SLC13A3: variants seen among roughly 807,000 people sequenced by gnomAD.
SLC13A3 encodes the protein solute carrier family 13 member 3.
Under a neutral mutation model 59.0 loss-of-function variants are expected in SLC13A3, and 40 were observed. The observed-to-expected ratio is 0.68, with a 90% CI of 0.53 to 0.88. The LOEUF (loss-of-function observed/expected upper bound fraction) is 0.88, where lower values mean the gene tolerates loss of function less well. Ranked by LOEUF, SLC13A3 falls within the 40% of genes least tolerant of loss-of-function variation. The pLI is 0.00. For synonymous variants in SLC13A3, 317 were observed against 330.3 expected, an observed-to-expected ratio of 0.96 and a Z score of 0.44; for missense variants, 699 against 783.2, an observed-to-expected ratio of 0.89 and a Z score of 1.28.
At chr20:46,655,787 TC>T (rs2062981610), upstream of SLC13A3, among the ~76,000 whole-genome samples, 1 of 144,096 alleles carries the variant, frequency 6.9e-6, no homozygotes, top group Non-Finnish European at 1.5e-5. Context: ...ATATATGCCT[TC>T]AGTATATATA....
upstream of SLC13A3, among the ~76,000 whole-genome samples, chr20:46,652,457 G>A (rs542769039): frequency 7.2e-5 from 11 of 151,914 alleles, no homozygotes; most frequent in Admixed American, 2.6e-4. Flanking sequence ...GCAGTGGAGC[G>A]ATCTCGGATC....
At chr20:46,613,345 G>A (rs1026822335) in intron 2 of SLC13A3, 115 bp downstream of exon 2, 1 of 544,696 alleles carries the variant, frequency 1.8e-6, no homozygotes. Context: ...ATAAATGGTG[G>A]GAACCGATGA....
intron 1 of SLC13A3, among the ~76,000 whole-genome samples, chr20:46,644,114 G>A (rs928602305): frequency 2.0e-5 from 3 of 152,188 alleles, no homozygotes; most frequent in Non-Finnish European, 4.4e-5. Context: ...GAGGGGGATG[G>A]AAGTGCTCAT....
rs1328720409 is a variant in SLC13A3, at chr20:46,558,674, A to G, written c.*1348T>C. ...CACTGCTCTCAGGGAAATGCCCATG[A>G]TTCACTTATGCTGTATCAACAACAA... On this transcript the variant is annotated 3_prime_UTR_variant, in exon 13 of 13. Coordinates refer to ENST00000279027, the MANE Select transcript of SLC13A3 (RefSeq NM_022829.6). 6.6e-6 allele frequency: 1 copy of G among 152,180 alleles called. No homozygotes were observed. The highest frequency in any genetic ancestry group is 1.9e-4 in the East Asian group (1 of 5,164). The allele number at this position is 152,180 out of a possible 1,614,324, so 9.4% of individuals were successfully genotyped here.
intron 4 of SLC13A3, among the ~76,000 whole-genome samples, chr20:46,597,797 T>C (rs1490299688): frequency 6.6e-6 from 1 of 152,236 alleles, no homozygotes; most frequent in East Asian, 1.9e-4. Flanking sequence ...ATTTAACTGT[T>C]ATAATCTACC....
chr20:46,652,321 C>T (rs1344035214), upstream of SLC13A3, among the ~76,000 whole-genome samples: 2 of 152,120 alleles, frequency 1.3e-5, no homozygotes, highest in Non-Finnish European at 2.9e-5. Context: ...ATGTGATTAG[C>T]GCAGTGTCTG....
intron 1 of SLC13A3, among the ~76,000 whole-genome samples, chr20:46,684,207 T>C (rs1447875956): frequency 6.6e-6 from 1 of 152,160 alleles, no homozygotes; most frequent in Non-Finnish European, 1.5e-5. Context: ...CTGGTTTTCC[T>C]TCACATCTTC....
intron 1 of SLC13A3, among the ~76,000 whole-genome samples, chr20:46,638,622 G>A (rs1361116383): frequency 6.6e-6 from 1 of 152,180 alleles, no homozygotes; most frequent in East Asian, 1.9e-4. Context: ...TCTCCTTCCT[G>A]CCAGGCCCTC....
chr20:46,575,553 G>C lies in SLC13A3; in HGVS notation c.1332+20C>G. The C allele has an allele frequency of 6.8e-7, 1 of 1,466,604 alleles. No homozygotes were observed. 90.8% of individuals were successfully genotyped at this position (1,466,604 alleles called of 1,614,324 possible). On this transcript the variant is annotated intron_variant, in intron 10 of 12. Coordinates refer to ENST00000279027, the MANE Select transcript of SLC13A3 (RefSeq NM_022829.6). ...TGCCTCCCACTGTTCCTGCTGGTTG[G>C]GGGAGCCAGGGGGTCTTACCTCACA...
chr20:46,652,690 C>G (rs1470018655), upstream of SLC13A3, among the ~76,000 whole-genome samples: 2 of 151,912 alleles, frequency 1.3e-5, no homozygotes, highest in African/African-American at 4.8e-5. Flanking sequence ...TCACCACGCC[C>G]GGCCGTTATT....
Position 46,566,139 on chromosome 20 carries a change from T to C in SLC13A3, c.1494+90A>G, listed in dbSNP as rs915045387. ...TTTTGGAAGACAGCAATGGCAACTG[T>C]GGCCCCCAGTGAAGGTCCCTTGGCG... is the stretch of plus-strand genomic sequence containing the variant. On this transcript the variant is annotated intron_variant, in intron 11 of 12. Transcript: ENST00000279027. The C allele has an allele frequency of 2.9e-5, 31 of 1,052,120 alleles. No individual in the cohort carries two copies. The Admixed American group carries it at 5.5e-4, about 18-fold the overall frequency. The allele number at this position is 1,052,120 out of a possible 1,614,324, so 65.2% of individuals were successfully genotyped here.
At chr20:46,627,631 A>AC (rs1337348831) in intron 1 of SLC13A3, among the ~76,000 whole-genome samples, 1 of 152,124 alleles carries the variant, frequency 6.6e-6, no homozygotes, top group Non-Finnish European at 1.5e-5. Flanking sequence ...AATCAAAAAA[A>AC]AAACTACATC....
chr20:46,676,693 C>G (rs1412135604), intron 1 of SLC13A3, among the ~76,000 whole-genome samples: 1 of 151,796 alleles, frequency 6.6e-6, no homozygotes, highest in Non-Finnish European at 1.5e-5. Context: ...CCAGGAGATC[C>G]TTCCCGCCTC....
At chr20:46,604,133 C>T (rs2062411841) in intron 3 of SLC13A3, among the ~76,000 whole-genome samples, 1 of 152,148 alleles carries the variant, frequency 6.6e-6, no homozygotes, top group Non-Finnish European at 1.5e-5. Context: ...ACTTCATTCT[C>T]CATCATCTTG....
In SLC13A3 at chr20:46,565,681, C is replaced by T. The variant is rs550423297; in HGVS notation, c.1494+548G>A. Among the ~76,000 whole-genome samples the T allele has an allele frequency of 6.5e-4, 99 of 152,228 alleles. 1 individual carries two copies. The highest frequency in any genetic ancestry group is 2.1e-3 in the African/African-American group (89 of 41,526). ...AGCTGGGTAGGGGGAAGGATTTGTT[C>T]CCCTGACGGGGATATTTGGGAATGC... is the stretch of plus-strand genomic sequence containing the variant. On this transcript the variant is annotated intron_variant, in intron 11 of 12. Transcript: ENST00000279027.
Position 46,560,157 on chromosome 20 carries a change from C to G in SLC13A3, c.1674G>C (p.Leu558=), listed in dbSNP as rs141947019. ...CCCAGGTATTCATAGCCAAACTGAG[C>G]AGCAGGACACCCATCAGGTTCATCA... The part of the protein sequence containing the change: ...GLLMNLMGVL[L]LSLAMNTWAQ... The change falls in exon 13 of 13, where the codon CTG becomes CTC. Residue 558 remains leucine, a synonymous_variant. Coordinates refer to ENST00000279027, the MANE Select transcript of SLC13A3 (RefSeq NM_022829.6). The G allele has an allele frequency of 1.4e-5, 23 of 1,614,040 alleles. No homozygotes were observed. The highest frequency in any genetic ancestry group is 1.9e-5 in the Non-Finnish European group (22 of 1,180,036).
chr20:46,568,737 C>A (rs943257832), intron 10 of SLC13A3, among the ~76,000 whole-genome samples: 12 of 152,188 alleles, frequency 7.9e-5, no homozygotes, highest in African/African-American at 2.6e-4. Flanking sequence ...CAGCTCTGTG[C>A]GCAATTAAAG....
At chr20:46,658,318 A>AC (rs2063007145) in intron 1 of SLC13A3, among the ~76,000 whole-genome samples, 1 of 152,238 alleles carries the variant, frequency 6.6e-6, no homozygotes, top group African/African-American at 2.4e-5. Context: ...AATTATAGAA[A>AC]CCATATAGTG....
intron 1 of SLC13A3, among the ~76,000 whole-genome samples, chr20:46,627,116 C>A (rs887806264): frequency 6.6e-6 from 1 of 152,208 alleles, no homozygotes; most frequent in Admixed American, 6.5e-5. Context: ...GAGCACCATG[C>A]AAACAGGGCC....
Sources: gnomAD v4.1 joint callset for allele counts (sites outside exome capture counted in the v4.1 genomes callset) on GRCh38, gnomAD v4.1.1 for gene constraint, MANE v1.5 for transcripts, NCBI Gene and HGNC (gene_info 2026-07-23, HGNC 2026-07-21) for gene names.